Variants in PLEKHA6 observed in about 807,000 individuals in gnomAD.
PLEKHA6 encodes the protein pleckstrin homology domain-containing family A member 6.
A neutral mutation model predicts 116.7 loss-of-function variants in PLEKHA6; 60 were observed. The observed-to-expected ratio is 0.51, with a 90% CI of 0.42 to 0.64. The LOEUF is 0.64. Ranked by LOEUF, PLEKHA6 falls within the 30% of genes least tolerant of loss-of-function variation. The pLI, the probability that PLEKHA6 is intolerant of heterozygous loss-of-function variation, is 0.00. For synonymous variants in PLEKHA6, 489 were observed against 556.1 expected, an observed-to-expected ratio of 0.88 and a Z score of 1.70; for missense variants, 1,338 against 1,422.7, an observed-to-expected ratio of 0.94 and a Z score of 0.96.
chr1:204,363,745 G>A (rs1253689431), upstream of PLEKHA6, among the ~76,000 whole-genome samples: 1 of 152,152 alleles, frequency 6.6e-6, no homozygotes, highest in East Asian at 1.9e-4. Flanking sequence ...TGGGAAAGGT[G>A]GCCCTGTCAC....
chr1:204,370,823 G>C (rs1333043408), intron 2 of PLEKHA6, among the ~76,000 whole-genome samples: 2 of 152,118 alleles, frequency 1.3e-5, no homozygotes, highest in Non-Finnish European at 2.9e-5. Flanking sequence ...GGAAGTCGAG[G>C]TGGGTGGATC....
chr1:204,346,839 A>G, intron 1 of PLEKHA6: 1 of 1,350,810 alleles, frequency 7.4e-7, no homozygotes, highest in Non-Finnish European at 1.1e-6. Flanking sequence ...TGGTTCTCAC[A>G]AAGTGTGCTT....
intron 5 of PLEKHA6, among the ~76,000 whole-genome samples, chr1:204,266,396 A>G (rs1558103179): frequency 6.6e-6 from 1 of 151,862 alleles, no homozygotes; most frequent in African/African-American, 2.4e-5. Context: ...TTGAGGTTCT[A>G]CCCCCACTGC....
chr1:204,324,627 T>C (rs1233545725), intron 1 of PLEKHA6, among the ~76,000 whole-genome samples: 1 of 152,156 alleles, frequency 6.6e-6, no homozygotes, highest in Non-Finnish European at 1.5e-5. Flanking sequence ...TCAGAAGAAA[T>C]GAGTGAAAGT....
chr1:204,352,304 G>A (rs1673304941), intron 1 of PLEKHA6, among the ~76,000 whole-genome samples: 1 of 151,912 alleles, frequency 6.6e-6, no homozygotes, highest in African/African-American at 2.4e-5. Flanking sequence ...GAACCTGGGA[G>A]GCAGAGGTTG....
At chr1:204,255,620 G>A in intron 9 of PLEKHA6, 1 of 702,936 alleles carries the variant, frequency 1.4e-6, no homozygotes, top group Non-Finnish European at 2.6e-6. Context: ...CACCAGCTCT[G>A]CCTACCTGCT....
intron 1 of PLEKHA6, 35 bp from the exon 2 acceptor site, chr1:204,274,844 A>G (rs1667843233): frequency 1.0e-6 from 1 of 985,934 alleles, no homozygotes. Flanking sequence ...TGTGGTAAAG[A>G]TGAAGAAGGC....
Position 204,302,968 on chromosome 1 carries a change from C to T in PLEKHA6, c.-94-28159G>A, listed in dbSNP as rs141085824. ...CTAGGTGGAGCCATCAGATGAAGCA[C>T]GGAGGGGTCTAACCTGAAGAAGCTC... On this transcript the variant is annotated intron_variant, in intron 1 of 22. Transcript: ENST00000272203. Among the ~76,000 whole-genome samples the T allele has an allele frequency of 3.7e-3, 569 of 152,324 alleles. 3 individuals carry two copies. The highest frequency in any genetic ancestry group is 5.9e-3 in the Non-Finnish European group (398 of 68,024).
intron 1 of PLEKHA6, among the ~76,000 whole-genome samples, chr1:204,333,008 G>A (rs1188300373): frequency 6.6e-6 from 1 of 152,238 alleles, no homozygotes; most frequent in Non-Finnish European, 1.5e-5. Flanking sequence ...ACCTAGGGAG[G>A]AGGAGGCAGG....
At chr1:204,236,502 T>C (rs1169272274) in intron 17 of PLEKHA6, among the ~76,000 whole-genome samples, 4 of 152,322 alleles carry the variant, frequency 2.6e-5, no homozygotes, top group Non-Finnish European at 5.9e-5. Flanking sequence ...ATTGCTCTTC[T>C]CTGCATGTCA....
intron 1 of PLEKHA6, among the ~76,000 whole-genome samples, chr1:204,372,180 G>A (rs762344191): frequency 4.6e-5 from 7 of 152,104 alleles, no homozygotes; most frequent in Admixed American, 6.5e-5. Context: ...ATTATGAATC[G>A]AGGTTCAGAG....
chr1:204,251,420 G>A, intron 9 of PLEKHA6: 1 of 619,654 alleles, frequency 1.6e-6, no homozygotes, highest in African/African-American at 1.8e-5. Flanking sequence ...CTGTCTCCAG[G>A]CAGATGAGCG....
intron 15 of PLEKHA6, 132 bp from the exon 16 acceptor site, chr1:204,241,946 G>T: frequency 1.0e-6 from 1 of 997,154 alleles, no homozygotes; most frequent in Non-Finnish European, 1.5e-6. Flanking sequence ...GAAATTCTAT[G>T]TGTGCCGCCT....
chr1:204,264,308 T>G (rs1666512073), intron 6 of PLEKHA6, among the ~76,000 whole-genome samples: 1 of 152,180 alleles, frequency 6.6e-6, no homozygotes, highest in Non-Finnish European at 1.5e-5. Context: ...CAGGCACATC[T>G]TTAACGGGTG....
At position 204,220,723 on chromosome 1, in the gene PLEKHA6, A is replaced by C. The variant is rs1053434818; in HGVS notation, c.*2065T>G. ...TAGGAAAAGATCAGACATCCAAACA[A>C]ATATATTACATATATAGATCTATAA... On this transcript the variant is annotated 3_prime_UTR_variant, in exon 23 of 23. Transcript: ENST00000272203. 1.3e-5 allele frequency: 2 copies of C among 152,564 alleles called. No homozygotes were observed. Among genetic ancestry groups the C allele is most frequent in the African/African-American group, 4.8e-5 (2 of 41,438 alleles). 9.5% of individuals were successfully genotyped at this position (152,564 alleles called of 1,614,324 possible). A position where few individuals can be genotyped will look rare whatever the true frequency, so the allele number is the denominator to read the frequency against.
rs186045122 is a variant in PLEKHA6, at chr1:204,339,242, C to G, written c.-95+20452G>C. Among the ~76,000 whole-genome samples the G allele has an allele frequency of 6.5e-3, 995 of 152,290 alleles. 6 individuals carry two copies. The highest frequency in any genetic ancestry group is 0.023 in the African/African-American group (948 of 41,562). The stretch of plus-strand genomic sequence containing the variant: ...GAGCCTCCCTGGCAGCCCAGCCAGT[C>G]GAGCCTTCAGAGGATGGCCACGGCC... On this transcript the variant is annotated intron_variant, in intron 1 of 22. Coordinates refer to ENST00000272203, the MANE Select transcript of PLEKHA6 (RefSeq NM_014935.5).
Position 204,259,626 on chromosome 1 carries a change from G to A in PLEKHA6, c.639C>T (p.Gly213=). 6.2e-7 allele frequency: 1 copy of A among 1,614,122 alleles called. No individual in the cohort carries two copies. Among genetic ancestry groups the A allele is most frequent in the Non-Finnish European group, 8.5e-7 (1 of 1,180,030 alleles). The change falls in exon 8 of 23, where the codon GGC becomes GGT. Residue 213 remains glycine, a synonymous_variant. Coordinates refer to ENST00000272203, the MANE Select transcript of PLEKHA6 (RefSeq NM_014935.5). This position sits in a 1 kb window ranked among gnomAD's most constrained non-coding sequence, Gnocchi z 4.6. ...TTCTCTCTGCCTTCTCACAGCCTCGGCCATCACCCTCCCCTCGAGTCTTGG... is the reference window on the plus strand; with the variant it reads ...TTCTCTCTGCCTTCTCACAGCCTCGACCATCACCCTCCCCTCGAGTCTTGG... ...PEAKTRGEGD[G]RGCEKAERRP... is the part of the protein sequence containing the mutation.
At chr1:204,307,675 T>C (rs1445197187) in intron 1 of PLEKHA6, among the ~76,000 whole-genome samples, 1 of 152,164 alleles carries the variant, frequency 6.6e-6, no homozygotes, top group Non-Finnish European at 1.5e-5. Flanking sequence ...CGCCCTCGCG[T>C]TCCCCTCACT....
chr1:204,270,702 GT>G (rs1431362332), intron 3 of PLEKHA6, among the ~76,000 whole-genome samples: 1 of 152,294 alleles, frequency 6.6e-6, no homozygotes, highest in East Asian at 1.9e-4. Flanking sequence ...ATGAACTAAG[GT>G]TTTTTTCCAA....
Sources: gnomAD v4.1 joint callset for allele counts (sites outside exome capture counted in the v4.1 genomes callset) on GRCh38, gnomAD v4.1.1 for gene constraint, Gnocchi (gnomAD v3.1) non-coding constraint, MANE v1.5 for transcripts, NCBI Gene and HGNC (gene_info 2026-07-23, HGNC 2026-07-21) for gene names.